The following CRISPLD2 variants were observed in gnomAD, a reference collection of about 807,000 sequenced individuals.
CRISPLD2 encodes the protein cysteine-rich secretory protein LCCL domain-containing 2.
Under a neutral mutation model 71.1 loss-of-function variants are expected in CRISPLD2, and 47 were observed. The observed-to-expected ratio is 0.66, with a 90% CI of 0.52 to 0.84. The LOEUF (loss-of-function observed/expected upper bound fraction) is 0.84. Ranked by LOEUF, CRISPLD2 falls within the 40% of genes least tolerant of loss-of-function variation. The probability of loss-of-function intolerance (pLI) is 0.00; values close to 1 mark genes in which losing one functional copy is unlikely to be tolerated. For missense variants in CRISPLD2, 830 were observed against 651.1 expected (o/e 1.27, Z -2.99); for synonymous variants, 317 against 250.1 (o/e 1.27, Z -2.52).
intron 14 of CRISPLD2, among the ~76,000 whole-genome samples, chr16:84,900,873 G>A (rs1567707525): frequency 6.6e-6 from 1 of 151,984 alleles, no homozygotes; most frequent in Non-Finnish European, 1.5e-5. Context: ...GCGGCATGGT[G>A]AAATCCCATC....
intron 8 of CRISPLD2, 39 bp downstream of exon 8, chr16:84,868,950 G>A (rs78626142): frequency 0.015 from 22,052 of 1,497,876 alleles, 212 homozygotes; most frequent in Middle Eastern, 0.027. Context: ...TGTAGCCTCT[G>A]AGTCTGTGCT....
intron 14 of CRISPLD2, among the ~76,000 whole-genome samples, chr16:84,898,554 C>A: frequency 6.6e-6 from 1 of 152,180 alleles, no homozygotes; most frequent in Non-Finnish European, 1.5e-5. Flanking sequence ...CGTTCTCCAC[C>A]ATCCAGCCTG....
At chr16:84,864,183 C>T (rs1010518552) in intron 6 of CRISPLD2, among the ~76,000 whole-genome samples, 6 of 152,080 alleles carry the variant, frequency 3.9e-5, no homozygotes, top group Non-Finnish European at 5.9e-5. Context: ...ATAACCTTGC[C>T]GTGACCTCTG....
At chr16:84,857,274 G>A (rs1205900211) in intron 6 of CRISPLD2, among the ~76,000 whole-genome samples, 1 of 152,254 alleles carries the variant, frequency 6.6e-6, no homozygotes, top group African/African-American at 2.4e-5. Context: ...TGAGGAAAGA[G>A]ATTGAGTGGT....
intron 5 of CRISPLD2, among the ~76,000 whole-genome samples, chr16:84,853,346 G>A (rs181990716): frequency 5.9e-5 from 9 of 152,292 alleles, no homozygotes; most frequent in African/African-American, 1.2e-4. Flanking sequence ...GAGTCATCCC[G>A]AAGACCCCCG....
chr16:84,870,221 A>T (rs2071455604), intron 8 of CRISPLD2, among the ~76,000 whole-genome samples: 2 of 152,212 alleles, frequency 1.3e-5, no homozygotes, highest in Admixed American at 6.5e-5. Flanking sequence ...AAAGAAAAAA[A>T]TGTGTTCCAA....
At chr16:84,889,789 T>C (rs894551601) in intron 14 of CRISPLD2, among the ~76,000 whole-genome samples, 5 of 150,566 alleles carry the variant, frequency 3.3e-5, no homozygotes, top group East Asian at 2.0e-4. Flanking sequence ...TGTGTGTGTG[T>C]GCATTTTTTT....
At position 84,880,498 on chromosome 16, in the gene CRISPLD2, C is replaced by T; in HGVS notation, c.1230-11C>T. 3 of 1,609,336 alleles carry T rather than the reference C, an allele frequency of 1.9e-6. No individual in the cohort carries two copies. The highest frequency in any genetic ancestry group is 2.2e-5 in the East Asian group (1 of 44,858). On this transcript the variant is annotated splice_polypyrimidine_tract_variant and intron_variant, in intron 12 of 14. Coordinates refer to ENST00000262424, the MANE Select transcript of CRISPLD2 (RefSeq NM_031476.4). The stretch of plus-strand genomic sequence containing the variant: ...CTCAGACCCATCACATAAATGCTTC[C>T]TGTTTTTCAGAATCCATTGTCCGGC...
rs371852138 is a variant in CRISPLD2 at position 84,907,065 on chromosome 16, T to C, written c.*423T>C. 1 of 209,346 alleles carries C rather than the reference T, an allele frequency of 4.8e-6. No individual in the cohort carries two copies. 13.0% of individuals were successfully genotyped at this position (209,346 alleles called of 1,614,324 possible). A position where few individuals can be genotyped will look rare whatever the true frequency, so the allele number is the denominator to read the frequency against. ...CATTCACGGCGTCGGAAGAGGCCTT[T>C]TGAGCAAGCGCCAATGAGTTTCAGG... is the stretch of plus-strand genomic sequence containing the variant. On this transcript the variant is annotated 3_prime_UTR_variant, in exon 15 of 15. Transcript: ENST00000262424.
chr16:84,843,619 A>C (rs1916834633), intron 2 of CRISPLD2, among the ~76,000 whole-genome samples: 1 of 152,226 alleles, frequency 6.6e-6, no homozygotes. Flanking sequence ...TGTTTGGAGG[A>C]GGCAATGAGA....
rs928649378 is a variant in CRISPLD2, at chr16:84,907,701, G to C, written c.*1059G>C. 6.6e-6 allele frequency: 1 copy of C among 152,248 alleles called. No homozygotes were observed. The highest frequency in any genetic ancestry group is 1.5e-5 in the Non-Finnish European group (1 of 68,070). 9.4% of individuals were successfully genotyped at this position (152,248 alleles called of 1,614,324 possible). The stretch of plus-strand genomic sequence containing the variant: ...TATTTTTTCAGCCGTGGGAGGAATG[G>C]AGTCTTTGGTACATTCCTCACCGAG... On this transcript the variant is annotated 3_prime_UTR_variant, in exon 15 of 15. Coordinates refer to ENST00000262424, the MANE Select transcript of CRISPLD2 (RefSeq NM_031476.4).
chr16:84,837,456 G>A (rs970535912), intron 1 of CRISPLD2, among the ~76,000 whole-genome samples: 7 of 143,326 alleles, frequency 4.9e-5, no homozygotes, highest in Admixed American at 2.9e-4. Flanking sequence ...TCGCTCTGTC[G>A]CCCAGGCTAG....
chr16:84,851,368 G>T (rs919087959), intron 5 of CRISPLD2, among the ~76,000 whole-genome samples: 1 of 152,206 alleles, frequency 6.6e-6, no homozygotes, highest in African/African-American at 2.4e-5. Flanking sequence ...CTGATTCTTG[G>T]AGAGTCACTC....
At chr16:84,904,551 T>G (rs1406846499) in intron 14 of CRISPLD2, among the ~76,000 whole-genome samples, 1 of 150,068 alleles carries the variant, frequency 6.7e-6, no homozygotes, top group Admixed American at 6.7e-5. Flanking sequence ...ACCACTGTAC[T>G]CCAGCCTGGG....
At chr16:84,866,336 C>T (rs760934871) in intron 6 of CRISPLD2, among the ~76,000 whole-genome samples, 13 of 151,876 alleles carry the variant, frequency 8.6e-5, no homozygotes, top group African/African-American at 2.9e-4. Context: ...CGGCTTCAAG[C>T]GATTCTCCTG....
intron 6 of CRISPLD2, among the ~76,000 whole-genome samples, chr16:84,863,974 AAG>A (rs1334445200): frequency 4.1e-5 from 6 of 146,726 alleles, no homozygotes; most frequent in African/African-American, 1.5e-4. Context: ...AAAAAAAAAA[AAG>A]AAAGAAAGAG....
intron 3 of CRISPLD2, chr16:84,849,130 A>T: frequency 2.1e-6 from 1 of 480,530 alleles, no homozygotes; most frequent in East Asian, 3.5e-5. Context: ...CACCTGTACC[A>T]GGTGCTGCTG....
At chr16:84,821,622 C>G (rs1326412678) in intron 1 of CRISPLD2, among the ~76,000 whole-genome samples, 1 of 152,202 alleles carries the variant, frequency 6.6e-6, no homozygotes, top group Non-Finnish European at 1.5e-5. Flanking sequence ...GCCAACTCCA[C>G]CCATGAACCT....
Position 84,872,509 on chromosome 16 carries a change from G to A in CRISPLD2, c.981+1G>A, listed in dbSNP as rs753604192. On this transcript the variant is annotated splice_donor_variant, in intron 9 of 14. Transcript: ENST00000262424. LOFTEE classifies it high-confidence loss of function. Reference sequence around the variant, plus strand: ...CTTTGGAACTCTGTTCTATGAAAGCGTGAGTGTGGCCAGTCCTCCTCTCAA... The same window carrying A: ...CTTTGGAACTCTGTTCTATGAAAGCATGAGTGTGGCCAGTCCTCCTCTCAA... 5.0e-6 allele frequency: 8 copies of A among 1,613,136 alleles called. No homozygotes were observed. Among genetic ancestry groups the A allele is most frequent in the Non-Finnish European group, 6.8e-6 (8 of 1,179,344 alleles).
Sources: allele counts gnomAD v4.1 joint callset (sites outside exome capture counted in the v4.1 genomes callset), GRCh38; gene constraint gnomAD v4.1.1; transcripts MANE v1.5; gene names NCBI Gene and HGNC (gene_info 2026-07-23, HGNC 2026-07-21).